Variants in CLSTN2 observed in about 807,000 individuals in gnomAD.
CLSTN2 encodes calsyntenin-2.
In CLSTN2, 48 loss-of-function variants were observed where a neutral mutation model predicts 101.2. That is an observed-to-expected ratio of 0.47 (90% CI 0.38 to 0.60). CLSTN2 has a LOEUF of 0.60. Among genes scored for constraint, CLSTN2 ranks in the 20% least tolerant of loss-of-function variants. CLSTN2 has a pLI of 0.00. For missense variants in CLSTN2, 1,160 were observed against 1,238.2 expected (o/e 0.94, Z 0.95); for synonymous variants, 481 against 463.6 (o/e 1.04, Z -0.48).
chr3:140,318,013 G>C (rs2087245410), intron 2 of CLSTN2, among the ~76,000 whole-genome samples: 1 of 152,218 alleles, frequency 6.6e-6, no homozygotes, highest in Non-Finnish European at 1.5e-5. Context: ...CATTACCGCT[G>C]TATGGGGTAG....
intron 2 of CLSTN2, among the ~76,000 whole-genome samples, chr3:140,308,841 T>C (rs1471098288): frequency 1.3e-5 from 2 of 152,114 alleles, no homozygotes; most frequent in Non-Finnish European, 2.9e-5. Flanking sequence ...CTTCCCATCC[T>C]CCCCCATTCT....
intron 8 of CLSTN2, among the ~76,000 whole-genome samples, chr3:140,484,346 T>G (rs928584709): frequency 1.3e-5 from 2 of 152,248 alleles, no homozygotes; most frequent in South Asian, 4.1e-4. Flanking sequence ...GTTAGTCTGA[T>G]GGGCTTCCCT....
intron 8 of CLSTN2, among the ~76,000 whole-genome samples, chr3:140,480,968 A>G (rs1053406339): frequency 3.4e-4 from 52 of 152,204 alleles, no homozygotes; most frequent in African/African-American, 1.2e-3. Flanking sequence ...CCATTTGTCA[A>G]TTTTGGCTTT....
intron 9 of CLSTN2, among the ~76,000 whole-genome samples, chr3:140,533,514 C>A (rs960814976): frequency 1.3e-5 from 2 of 151,852 alleles, no homozygotes; most frequent in African/African-American, 4.8e-5. Context: ...TCGAGACCAT[C>A]CTGGCTAACA....
intron 2 of CLSTN2, among the ~76,000 whole-genome samples, chr3:140,194,539 G>T (rs1398992517): frequency 6.6e-6 from 1 of 152,108 alleles, no homozygotes; most frequent in Non-Finnish European, 1.5e-5. Context: ...AAAATCAGTT[G>T]AGTTATTTCT....
intron 10 of CLSTN2, among the ~76,000 whole-genome samples, chr3:140,553,021 G>A (rs1935734374): frequency 6.6e-6 from 1 of 152,236 alleles, no homozygotes; most frequent in African/African-American, 2.4e-5. Context: ...CCAGGAATAA[G>A]CACTCTAAGC....
intron 1 of CLSTN2, among the ~76,000 whole-genome samples, chr3:140,028,516 G>A (rs752981370): frequency 6.6e-6 from 1 of 152,176 alleles, no homozygotes; most frequent in Non-Finnish European, 1.5e-5. Context: ...TACAGATACC[G>A]TATTTCATCC....
chr3:140,102,463 G>A (rs1320342203), intron 1 of CLSTN2, among the ~76,000 whole-genome samples: 1 of 152,134 alleles, frequency 6.6e-6, no homozygotes, highest in Non-Finnish European at 1.5e-5. Context: ...TGGAAAGCAG[G>A]GCAGGGCGGT....
chr3:140,231,508 G>A (rs150700564), intron 2 of CLSTN2, among the ~76,000 whole-genome samples: 5 of 152,206 alleles, frequency 3.3e-5, no homozygotes, highest in African/African-American at 1.2e-4. Context: ...AATATACAGT[G>A]ACTGTTCCCT....
chr3:140,091,442 G>A (rs1352479848), intron 1 of CLSTN2, among the ~76,000 whole-genome samples: 1 of 152,130 alleles, frequency 6.6e-6, no homozygotes, highest in African/African-American at 2.4e-5. Flanking sequence ...TGCCTTCCTT[G>A]GGGGAAGGAA....
chr3:140,296,279 C>T (rs922917857), intron 2 of CLSTN2, among the ~76,000 whole-genome samples: 4 of 152,134 alleles, frequency 2.6e-5, no homozygotes, highest in African/African-American at 4.8e-5. Flanking sequence ...AAAACCAACC[C>T]GTTGGAAAGT....
intron 2 of CLSTN2, among the ~76,000 whole-genome samples, chr3:140,255,388 T>A (rs1455787076): frequency 1.3e-5 from 2 of 152,108 alleles, no homozygotes; most frequent in African/African-American, 4.8e-5. Flanking sequence ...AGCAAAGACA[T>A]GGAATCAACC....
At chr3:140,392,194 A>G (rs906259092) in intron 2 of CLSTN2, among the ~76,000 whole-genome samples, 4 of 151,092 alleles carry the variant, frequency 2.6e-5, no homozygotes, top group African/African-American at 9.7e-5. Flanking sequence ...TAATTGTGTA[A>G]TATATTATCT....
intron 4 of CLSTN2, among the ~76,000 whole-genome samples, chr3:140,416,629 C>T (rs999606580): frequency 6.6e-6 from 1 of 152,198 alleles, no homozygotes; most frequent in Non-Finnish European, 1.5e-5. Context: ...GTTACTTGAA[C>T]TTTGTCTCAG....
intron 2 of CLSTN2, among the ~76,000 whole-genome samples, chr3:140,246,072 G>T (rs2086513134): frequency 6.6e-6 from 1 of 152,132 alleles, no homozygotes; most frequent in African/African-American, 2.4e-5. Context: ...CGTTTACGTT[G>T]ATCCTTCCAA....
At chr3:140,204,604 T>C (rs562575998) in intron 2 of CLSTN2, among the ~76,000 whole-genome samples, 1 of 151,988 alleles carries the variant, frequency 6.6e-6, no homozygotes, top group Non-Finnish European at 1.5e-5. Flanking sequence ...GGCTTTACTG[T>C]CAAGGACAAA....
chr3:140,373,389 T>A (rs547405714), intron 2 of CLSTN2, among the ~76,000 whole-genome samples: 1 of 152,308 alleles, frequency 6.6e-6, no homozygotes, highest in South Asian at 2.1e-4. Context: ...GCATAAAACA[T>A]GCCCAGTGTT....
At chr3:140,280,060 G>A (rs531481832) in intron 2 of CLSTN2, among the ~76,000 whole-genome samples, 1 of 152,332 alleles carries the variant, frequency 6.6e-6, no homozygotes, top group South Asian at 2.1e-4. Flanking sequence ...CCCTGGTGCG[G>A]GGCCTGGGCC....
At chr3:140,481,160 C>T (rs1934108982) in intron 8 of CLSTN2, among the ~76,000 whole-genome samples, 1 of 152,176 alleles carries the variant, frequency 6.6e-6, no homozygotes, top group South Asian at 2.1e-4. Flanking sequence ...CAGCTTTCTA[C>T]ATATGGCTAG....
Sources: allele counts gnomAD v4.1 joint callset (sites outside exome capture counted in the v4.1 genomes callset), GRCh38; gene constraint gnomAD v4.1.1; transcripts MANE v1.5; gene names NCBI Gene and HGNC (gene_info 2026-07-23, HGNC 2026-07-21).